CCDC171: variants seen among roughly 807,000 people sequenced by gnomAD.
CCDC171 encodes the protein coiled-coil domain containing 171.
A neutral mutation model predicts 168.2 loss-of-function variants in CCDC171; 177 were observed. The observed-to-expected ratio is 1.05, with a 90% confidence interval of 0.93 to 1.19. CCDC171 has a LOEUF of 1.19. Among genes scored for constraint, CCDC171 ranks in the 50% most tolerant of loss-of-function variants. The pLI is 0.00. For synonymous variants in CCDC171, 687 were observed against 540.8 expected, an observed-to-expected ratio of 1.27 and a Z score of -3.75; for missense variants, 1,991 against 1,539.0, an observed-to-expected ratio of 1.29 and a Z score of -4.91.
intron 7 of CCDC171, among the ~76,000 whole-genome samples, chr9:15,639,299 T>C (rs888367208): frequency 6.6e-6 from 1 of 152,076 alleles, no homozygotes; most frequent in Admixed American, 6.6e-5. Flanking sequence ...GTATTACACA[T>C]TTAAATGCAG....
intron 10 of CCDC171, among the ~76,000 whole-genome samples, chr9:15,693,892 C>G (rs1226833097): frequency 6.6e-6 from 1 of 152,096 alleles, no homozygotes; most frequent in Non-Finnish European, 1.5e-5. Flanking sequence ...GTTGTCTAAA[C>G]TTCCTGTTTC....
chr9:15,750,830 T>A (rs2055683842), intron 18 of CCDC171, among the ~76,000 whole-genome samples: 1 of 152,182 alleles, frequency 6.6e-6, no homozygotes, highest in South Asian at 2.1e-4. Flanking sequence ...TCATACTGAA[T>A]GGGCAAAAGC....
intron 9 of CCDC171, among the ~76,000 whole-genome samples, chr9:15,670,763 T>C (rs2049053170): frequency 6.6e-6 from 1 of 152,248 alleles, no homozygotes; most frequent in Admixed American, 6.5e-5. Flanking sequence ...TTATTTATTG[T>C]CTGTCTTATG....
intron 24 of CCDC171, among the ~76,000 whole-genome samples, chr9:15,894,413 A>T (rs908199930): frequency 1.3e-5 from 2 of 152,100 alleles, no homozygotes; most frequent in African/African-American, 4.8e-5. Flanking sequence ...CATCCTGAAC[A>T]TGTAACCCTA....
chr9:15,688,888 A>G (rs745861437), intron 10 of CCDC171, among the ~76,000 whole-genome samples: 15 of 152,216 alleles, frequency 9.9e-5, no homozygotes, highest in Non-Finnish European at 1.6e-4. Context: ...AAAAGGCATC[A>G]GTTTTGGAAA....
chr9:15,991,211 A>G (rs1314910229), intron 3 of CCDC171, among the ~76,000 whole-genome samples: 3 of 152,190 alleles, frequency 2.0e-5, no homozygotes, highest in Non-Finnish European at 4.4e-5. Flanking sequence ...AAGAACAGAA[A>G]TTATAACAAA....
intron 24 of CCDC171, among the ~76,000 whole-genome samples, chr9:15,900,973 C>G (rs1821559969): frequency 6.6e-6 from 1 of 152,122 alleles, no homozygotes; most frequent in East Asian, 1.9e-4. Flanking sequence ...AGTCTCCAAA[C>G]TTTTTCATAG....
At chr9:16,095,093 C>T in the CCDC171 span, among the ~76,000 whole-genome samples, 5 of 152,170 alleles carry the variant, frequency 3.3e-5, no homozygotes, top group Non-Finnish European at 5.9e-5. Flanking sequence ...CCTGTACAGC[C>T]TGCAGAACCA....
At chr9:15,924,656 C>T (rs184230800) in intron 25 of CCDC171, among the ~76,000 whole-genome samples, 1 of 151,632 alleles carries the variant, frequency 6.6e-6, no homozygotes, top group East Asian at 1.9e-4. Context: ...CTCCTTTCTG[C>T]AGCCTGTTTT....
chr9:15,744,520 A>G lies in CCDC171; in HGVS notation c.2297A>G (p.Lys766Arg), dbSNP rs2055128040. ...QEQVNTFELF[K>R]LEIRTLAQAL... ...CAGGTCAACACCTTTGAGTTGTTCAAACTGGAAATTAGAACTCTAGCCCAG... is the reference window on the plus strand; with the variant it reads ...CAGGTCAACACCTTTGAGTTGTTCAGACTGGAAATTAGAACTCTAGCCCAG... The change falls in exon 17 of 26, where the codon AAA (lysine) becomes AGA (arginine). Residue 766 changes from lysine (K) to arginine (R), a missense_variant. Transcript: ENST00000380701. 1.2e-6 allele frequency: 2 copies of G among 1,614,110 alleles called. No homozygotes were observed. The highest frequency in any genetic ancestry group is 1.7e-6 in the Non-Finnish European group (2 of 1,180,050).
chr9:15,595,027 AT>A (rs1246238403), intron 6 of CCDC171, among the ~76,000 whole-genome samples: 1 of 152,220 alleles, frequency 6.6e-6, no homozygotes, highest in African/African-American at 2.4e-5. Context: ...TGTCAAAGAT[AT>A]GCATTTTTCA....
chr9:16,081,427 A>G, the CCDC171 span, among the ~76,000 whole-genome samples: 1 of 152,164 alleles, frequency 6.6e-6, no homozygotes, highest in Non-Finnish European at 1.5e-5. Context: ...GTCAAATAAG[A>G]CTGAAGAGAA....
intron 3 of CCDC171, among the ~76,000 whole-genome samples, chr9:16,017,243 G>A (rs948431421): frequency 6.6e-6 from 1 of 151,700 alleles, no homozygotes; most frequent in African/African-American, 2.4e-5. Flanking sequence ...ATTTTTATTG[G>A]TATATTGACA....
At chr9:15,669,885 A>G (rs903510805) in intron 9 of CCDC171, among the ~76,000 whole-genome samples, 2 of 151,264 alleles carry the variant, frequency 1.3e-5, no homozygotes, top group African/African-American at 4.9e-5. Flanking sequence ...CATTATATGT[A>G]AAACATAGTC....
intron 18 of CCDC171, among the ~76,000 whole-genome samples, chr9:15,745,937 C>A (rs927854022): frequency 6.6e-6 from 1 of 151,810 alleles, no homozygotes; most frequent in Non-Finnish European, 1.5e-5. Context: ...AATGTTTTTT[C>A]ATATGTTTTG....
At chr9:15,791,732 A>G (rs2058277354) in intron 21 of CCDC171, among the ~76,000 whole-genome samples, 1 of 152,182 alleles carries the variant, frequency 6.6e-6, no homozygotes, top group South Asian at 2.1e-4. Context: ...GTGGACCTTC[A>G]GCAAACTCCA....
At chr9:16,003,490 G>A (rs1564113644) in intron 3 of CCDC171, among the ~76,000 whole-genome samples, 1 of 152,168 alleles carries the variant, frequency 6.6e-6, no homozygotes, top group Non-Finnish European at 1.5e-5. Flanking sequence ...CCCACTGGGA[G>A]GACAACTTCC....
At chr9:15,738,712 T>A (rs1368970862) in intron 16 of CCDC171, among the ~76,000 whole-genome samples, 1 of 152,168 alleles carries the variant, frequency 6.6e-6, no homozygotes, top group Admixed American at 6.5e-5. Flanking sequence ...CAGTAAATAA[T>A]GCAATACCTC....
At chr9:16,102,252 T>C in the CCDC171 span, among the ~76,000 whole-genome samples, 4 of 152,186 alleles carry the variant, frequency 2.6e-5, no homozygotes, top group Admixed American at 2.6e-4. Context: ...GTCCGTGTCC[T>C]GGCCTCCTGG....
Sources: gnomAD v4.1 joint callset for allele counts (sites outside exome capture counted in the v4.1 genomes callset) on GRCh38, gnomAD v4.1.1 for gene constraint, MANE v1.5 for transcripts, NCBI Gene and HGNC (gene_info 2026-07-23, HGNC 2026-07-21) for gene names.